The following ARHGEF26 variants were observed in gnomAD, a reference collection of about 807,000 sequenced individuals.
The protein encoded by ARHGEF26 is Rho guanine nucleotide exchange factor (GEF) 26.
A neutral mutation model predicts 89.4 loss-of-function variants in ARHGEF26; 59 were observed. That is an observed-to-expected ratio of 0.66 (90% CI 0.54 to 0.82). ARHGEF26 has a LOEUF of 0.82. Among genes scored for constraint, ARHGEF26 ranks in the 40% least tolerant of loss-of-function variants. The pLI is 0.00. For synonymous variants in ARHGEF26, 500 were observed against 428.4 expected (o/e 1.17, Z -2.06); for missense variants, 1,234 against 1,085.6 (o/e 1.14, Z -1.92).
intron 4 of ARHGEF26, among the ~76,000 whole-genome samples, chr3:154,136,556 A>G (rs952863887): frequency 1.3e-5 from 2 of 152,230 alleles, no homozygotes; most frequent in Non-Finnish European, 2.9e-5. Flanking sequence ...GCATCTTAGT[A>G]GTTTGAGGTG....
intron 12 of ARHGEF26, among the ~76,000 whole-genome samples, chr3:154,241,949 G>A (rs1717505589): frequency 6.6e-6 from 1 of 152,226 alleles, no homozygotes; most frequent in South Asian, 2.1e-4. Flanking sequence ...CTGTACAGAT[G>A]AGCCTAGGAG....
At chr3:154,186,727 A>C (rs1713576480) in intron 6 of ARHGEF26, among the ~76,000 whole-genome samples, 2 of 151,778 alleles carry the variant, frequency 1.3e-5, no homozygotes, top group South Asian at 4.2e-4. Context: ...ATGCCAGTGC[A>C]CTCCAGCCTG....
chr3:154,206,452 A>T (rs1022376147), intron 9 of ARHGEF26, among the ~76,000 whole-genome samples: 1 of 152,230 alleles, frequency 6.6e-6, no homozygotes, highest in Non-Finnish European at 1.5e-5. Flanking sequence ...AATTGCCAAC[A>T]TTCCTATACA....
chr3:154,192,588 A>G (rs750160367), intron 8 of ARHGEF26, among the ~76,000 whole-genome samples: 10 of 152,060 alleles, frequency 6.6e-5, no homozygotes, highest in Admixed American at 2.0e-4. Context: ...AGTTTTGAAC[A>G]TTTCACTTTC....
At chr3:154,179,293 A>G (rs1433404930) in intron 6 of ARHGEF26, among the ~76,000 whole-genome samples, 1 of 152,242 alleles carries the variant, frequency 6.6e-6, no homozygotes, top group Non-Finnish European at 1.5e-5. Flanking sequence ...TCACCAACAC[A>G]TTGGCTGGGC....
intron 9 of ARHGEF26, among the ~76,000 whole-genome samples, chr3:154,200,585 T>G (rs1714566596): frequency 6.6e-6 from 1 of 152,020 alleles, no homozygotes; most frequent in Admixed American, 6.6e-5. Context: ...TTTTTATATT[T>G]TTGTAAAGAA....
chr3:154,220,795 A>G (rs1249841898), intron 10 of ARHGEF26, among the ~76,000 whole-genome samples: 2 of 152,210 alleles, frequency 1.3e-5, no homozygotes, highest in Admixed American at 6.5e-5. Flanking sequence ...AGAAGTCATT[A>G]AAAGAAAAAA....
intron 6 of ARHGEF26, among the ~76,000 whole-genome samples, chr3:154,158,065 CATT>C (rs1261267707): frequency 1.3e-5 from 2 of 152,094 alleles, no homozygotes; most frequent in Non-Finnish European, 2.9e-5. Flanking sequence ...GCTCTATTGA[CATT>C]AGTAGGTGGG....
chr3:154,187,659 AT>A (rs766135978), intron 6 of ARHGEF26, 25 bp from the exon 7 acceptor site: 171 of 1,555,774 alleles, frequency 1.1e-4, no homozygotes, highest in Admixed American at 1.9e-4. Context: ...AGAAGTGTTA[AT>A]TTTTTTTTCC....
chr3:154,156,148 G>C (rs1720326427), intron 6 of ARHGEF26, among the ~76,000 whole-genome samples: 1 of 151,922 alleles, frequency 6.6e-6, no homozygotes, highest in South Asian at 2.1e-4. Context: ...GGAAACACAA[G>C]GAAATGAGAA....
At chr3:154,219,770 C>T (rs192243766) in intron 10 of ARHGEF26, among the ~76,000 whole-genome samples, 12 of 151,556 alleles carry the variant, frequency 7.9e-5, no homozygotes, top group African/African-American at 1.9e-4. Context: ...AAAAATTAGC[C>T]GGGCGTGGTG....
rs181087393 is a variant in ARHGEF26 at position 154,212,491 on chromosome 3, T to C, written c.1846-5378T>C. Among the ~76,000 whole-genome samples the C allele has an allele frequency of 5.3e-3, 808 of 152,250 alleles. 6 individuals carry two copies. Among genetic ancestry groups the C allele is most frequent in the Admixed American group, 0.011 (166 of 15,292 alleles). On this transcript the variant is annotated intron_variant, in intron 9 of 14. Transcript: ENST00000465093. ...TTTTGTATCCTTCTGGTTGGCTTTCTGTTCCAATATTAGCATATGACTGTA... is the reference window on the plus strand; with the variant it reads ...TTTTGTATCCTTCTGGTTGGCTTTCCGTTCCAATATTAGCATATGACTGTA...
Position 154,255,925 on chromosome 3 carries a change from C to CT in ARHGEF26, c.*461dup, listed in dbSNP as rs373595788. The CT allele has an allele frequency of 1.2e-4, 116 of 980,254 alleles. No individual in the cohort carries two copies. The highest frequency in any genetic ancestry group is 5.2e-4 in the Middle Eastern group (1 of 1,928). The allele number at this position is 980,254 out of a possible 1,614,324, so 60.7% of individuals were successfully genotyped here. A position where few individuals can be genotyped will look rare whatever the true frequency, so the allele number is the denominator to read the frequency against. On this transcript the variant is annotated 3_prime_UTR_variant, in exon 15 of 15. Transcript: ENST00000465093. ...TCCAGTTTTGTAAATATTTCCCTGC[C>CT]TTTTTTTTTCTTTTTTTACATCTGA...
intron 6 of ARHGEF26, among the ~76,000 whole-genome samples, chr3:154,155,498 CT>C (rs1720284203): frequency 6.6e-6 from 1 of 151,812 alleles, no homozygotes; most frequent in Admixed American, 6.6e-5. Context: ...TTAGAGGCAT[CT>C]TATCTGAAAA....
At chr3:154,159,402 T>G (rs952653207) in intron 6 of ARHGEF26, among the ~76,000 whole-genome samples, 6 of 152,144 alleles carry the variant, frequency 3.9e-5, no homozygotes, top group Non-Finnish European at 8.8e-5. Flanking sequence ...TCAATGTGCT[T>G]TTGTGTCCTG....
chr3:154,144,256 AG>A (rs1440357741), intron 4 of ARHGEF26, among the ~76,000 whole-genome samples: 1 of 152,170 alleles, frequency 6.6e-6, no homozygotes, highest in Non-Finnish European at 1.5e-5. Flanking sequence ...GGCCGGCCCA[AG>A]TTTGAATCTC....
Position 154,196,431 on chromosome 3 carries a change from A to G in ARHGEF26, c.1845+1713A>G, listed in dbSNP as rs112796558. 1.7e-3 allele frequency among the ~76,000 whole-genome samples: 258 copies of G among 152,292 alleles called. 1 individual carries two copies. The highest frequency in any genetic ancestry group is 5.5e-3 in the African/African-American group (230 of 41,548). On this transcript the variant is annotated intron_variant, in intron 9 of 14. Transcript: ENST00000465093. ...AAGCTTCCTAAATGTCTCCAGTTAC[A>G]TAGCCCTATATGAATTGGGTATGGC...
chr3:154,176,704 C>T (rs775506126), intron 6 of ARHGEF26, among the ~76,000 whole-genome samples: 8 of 152,014 alleles, frequency 5.3e-5, no homozygotes, highest in African/African-American at 9.7e-5. Context: ...GTTAGAAATT[C>T]GGTTTGAAAA....
At chr3:154,183,977 C>CTTTTTTTTTTTTTTTTTTT (rs548153454) in intron 6 of ARHGEF26, among the ~76,000 whole-genome samples, 5 of 140,318 alleles carry the variant, frequency 3.6e-5, no homozygotes, top group Non-Finnish European at 6.2e-5. Flanking sequence ...AATTTTCTTT[C>CTTTTTTTTTTTTTTTTTTT]TTTTTTTTTT....
Sources: gnomAD v4.1 joint callset for allele counts (sites outside exome capture counted in the v4.1 genomes callset) on GRCh38, gnomAD v4.1.1 for gene constraint, MANE v1.5 for transcripts, NCBI Gene and HGNC (gene_info 2026-07-23, HGNC 2026-07-21) for gene names.